DTNA: variants seen among roughly 807,000 people sequenced by gnomAD.
The protein encoded by DTNA is dystrophin-related protein 3.
DTNA carries 43 observed loss-of-function variants against 100.7 expected under a neutral mutation model. The observed-to-expected ratio is 0.43, with a 90% CI of 0.33 to 0.55. The LOEUF is 0.55. Ranked by LOEUF, DTNA falls within the 20% of genes least tolerant of loss-of-function variation. DTNA has a pLI of 0.04. For synonymous variants in DTNA, 349 were observed against 347.9 expected (o/e 1.00, Z -0.04); for missense variants, 798 against 953.9 (o/e 0.84, Z 2.15).
intron 17 of DTNA, chr18:34,866,076 G>A: frequency 1.2e-6 from 2 of 1,611,622 alleles, no homozygotes; most frequent in South Asian, 2.2e-5. Context: ...GGAACCCTGG[G>A]TAATCTAACT....
Position 34,889,274 on chromosome 18 carries a change from T to TG in DTNA, c.*1541dup. The TG allele has an allele frequency of 1.0e-6, 1 of 984,342 alleles. No homozygotes were observed. The highest frequency in any genetic ancestry group is 1.2e-6 in the Non-Finnish European group (1 of 828,948). 61.0% of individuals were successfully genotyped at this position (984,342 alleles called of 1,614,324 possible). Reference sequence around the variant, plus strand: ...GTGTGTTCCCCGGACAAGCAGCATCTGCAACACTTAGGAAGGTCTTCGAAA... The same window carrying TG: ...GTGTGTTCCCCGGACAAGCAGCATCTGGCAACACTTAGGAAGGTCTTCGAAA... On this transcript the variant is annotated 3_prime_UTR_variant, in exon 23 of 23. Transcript: ENST00000444659.
At chr18:34,632,253 G>A (rs1222317376) in intron 1 of DTNA, among the ~76,000 whole-genome samples, 5 of 151,976 alleles carry the variant, frequency 3.3e-5, no homozygotes, top group Non-Finnish European at 5.9e-5. Flanking sequence ...TGGCTCATAC[G>A]TATGGGACAT....
rs145707188 is a variant in DTNA at position 34,884,915 on chromosome 18, G to C, written c.*31+139G>C. The C allele has an allele frequency of 3.6e-3, 3,765 of 1,058,452 alleles. 85 individuals are homozygous for C. The East Asian group carries it at 0.051, about 14-fold the overall frequency. 65.6% of individuals were successfully genotyped at this position (1,058,452 alleles called of 1,614,324 possible). A position where few individuals can be genotyped will look rare whatever the true frequency, so the allele number is the denominator to read the frequency against. ...ACCCTCCTTAACTGCTGATATCGAAGAGTCGTCTCAGTCTGTGGAGGGTTT... is the reference window on the plus strand; with the variant it reads ...ACCCTCCTTAACTGCTGATATCGAACAGTCGTCTCAGTCTGTGGAGGGTTT... On this transcript the variant is annotated intron_variant, in intron 22 of 22. Transcript: ENST00000444659.
At chr18:34,825,090 C>CA (rs1385608261) in intron 9 of DTNA, among the ~76,000 whole-genome samples, 1 of 151,022 alleles carries the variant, frequency 6.6e-6, no homozygotes, top group Non-Finnish European at 1.5e-5. Context: ...AGCCAAGGGA[C>CA]TTTTTTTTTC....
At chr18:34,493,416 G>A (rs758629376) in exon 1 of DTNA, 5 of 152,468 alleles carry the variant, frequency 3.3e-5, no homozygotes, top group Non-Finnish European at 7.3e-5. Context: ...TAAATAATAA[G>A]AAAGCGGCTC....
chr18:34,712,159 A>G (rs577126199), intron 1 of DTNA, among the ~76,000 whole-genome samples: 30 of 152,092 alleles, frequency 2.0e-4, no homozygotes, highest in Non-Finnish European at 3.7e-4. Context: ...GAAGCAAGAC[A>G]GAGACACAGA....
At chr18:34,737,294 T>A (rs2089796587) in intron 1 of DTNA, among the ~76,000 whole-genome samples, 1 of 152,156 alleles carries the variant, frequency 6.6e-6, no homozygotes, top group East Asian at 1.9e-4. Context: ...TAGTTTAAAT[T>A]GTGAAATGAT....
At chr18:34,544,046 G>A (rs1009728167) in intron 1 of DTNA, among the ~76,000 whole-genome samples, 2 of 152,068 alleles carry the variant, frequency 1.3e-5, no homozygotes, top group African/African-American at 4.8e-5. Flanking sequence ...GTTAGTAGGT[G>A]TTAGTACAGG....
chr18:34,509,724 T>G (rs2040845300), intron 1 of DTNA, among the ~76,000 whole-genome samples: 1 of 152,178 alleles, frequency 6.6e-6, no homozygotes, highest in African/African-American at 2.4e-5. Context: ...TTTTTTTGTT[T>G]CTGCTTTTTG....
At chr18:34,866,750 T>G in intron 17 of DTNA, 1 of 989,938 alleles carries the variant, frequency 1.0e-6, no homozygotes, top group Non-Finnish European at 1.2e-6. Flanking sequence ...CCCATCTTTT[T>G]GGCTCTTCCC....
chr18:34,886,461 A>G (rs1568911886), intron 22 of DTNA, among the ~76,000 whole-genome samples: 1 of 152,210 alleles, frequency 6.6e-6, no homozygotes, highest in Non-Finnish European at 1.5e-5. Flanking sequence ...TTTTCCTTTA[A>G]TAGCACTTTC....
intron 1 of DTNA, among the ~76,000 whole-genome samples, chr18:34,718,025 C>T (rs2084407989): frequency 6.6e-6 from 1 of 152,162 alleles, no homozygotes; most frequent in Admixed American, 6.5e-5. Context: ...TTGTCTGTTG[C>T]TTCTCTTTAC....
chr18:34,682,515 T>C (rs983454904), intron 1 of DTNA, among the ~76,000 whole-genome samples: 6 of 152,184 alleles, frequency 3.9e-5, no homozygotes, highest in Non-Finnish European at 7.4e-5. Context: ...GTCCTGTTGC[T>C]CCATATCCTC....
At chr18:34,531,599 C>G (rs745893291) in intron 1 of DTNA, among the ~76,000 whole-genome samples, 22 of 152,100 alleles carry the variant, frequency 1.4e-4, no homozygotes, top group Non-Finnish European at 2.6e-4. Flanking sequence ...AATTATTTAA[C>G]TCTGCAAAGT....
intron 1 of DTNA, among the ~76,000 whole-genome samples, chr18:34,620,324 T>C (rs1362009494): frequency 1.3e-5 from 2 of 152,212 alleles, no homozygotes; most frequent in African/African-American, 4.8e-5. Context: ...ATGTCAATTT[T>C]AAATAAGTTT....
At chr18:34,712,921 T>A (rs980312878) in intron 1 of DTNA, among the ~76,000 whole-genome samples, 3 of 152,134 alleles carry the variant, frequency 2.0e-5, no homozygotes, top group African/African-American at 4.8e-5. Context: ...AAAAAATTAA[T>A]GATATTTAAA....
intron 1 of DTNA, among the ~76,000 whole-genome samples, chr18:34,587,002 C>T (rs1456284460): frequency 2.6e-5 from 4 of 151,724 alleles, no homozygotes; most frequent in Non-Finnish European, 5.9e-5. Flanking sequence ...TTCTCTGTCA[C>T]CCAGGCCTGG....
intron 4 of DTNA, among the ~76,000 whole-genome samples, chr18:34,794,719 G>A (rs574911800): frequency 1.3e-5 from 2 of 152,300 alleles, no homozygotes; most frequent in African/African-American, 2.4e-5. Context: ...TATGACTTGC[G>A]TTAAATGGAC....
chr18:34,580,439 G>T (rs2048504226), intron 1 of DTNA, among the ~76,000 whole-genome samples: 2 of 152,038 alleles, frequency 1.3e-5, no homozygotes, highest in African/African-American at 4.8e-5. Flanking sequence ...CCATAAAATG[G>T]CTCATCCTTT....
Sources: gnomAD v4.1 joint callset for allele counts (sites outside exome capture counted in the v4.1 genomes callset) on GRCh38, gnomAD v4.1.1 for gene constraint, MANE v1.5 for transcripts, NCBI Gene and HGNC (gene_info 2026-07-23, HGNC 2026-07-21) for gene names.